The following FAR2 variants were observed in gnomAD, a reference collection of about 807,000 sequenced individuals.
The protein encoded by FAR2 is epididymis secretory protein Li 81.
In FAR2, 19 loss-of-function variants were observed where a neutral mutation model predicts 56.0. That is an observed-to-expected ratio of 0.34 (90% CI 0.24 to 0.50). The LOEUF is 0.50. Ranked by LOEUF, FAR2 falls within the 20% of genes least tolerant of loss-of-function variation. The probability of loss-of-function intolerance (pLI) is 0.98; values close to 1 mark genes in which losing one functional copy is unlikely to be tolerated. For synonymous variants in FAR2, 219 were observed against 218.8 expected (o/e 1.00, Z -0.01); for missense variants, 508 against 642.2 (o/e 0.79, Z 2.26).
At chr12:29,320,135 A>G (rs1949527129) in intron 9 of FAR2, among the ~76,000 whole-genome samples, 3 of 152,180 alleles carry the variant, frequency 2.0e-5, no homozygotes, top group Admixed American at 6.5e-5. Context: ...TGAACCCAGG[A>G]GGTCAAGGCT....
chr12:29,189,754 C>T (rs562752488), intron 1 of FAR2, among the ~76,000 whole-genome samples: 4 of 152,224 alleles, frequency 2.6e-5, no homozygotes, highest in South Asian at 2.1e-4. Flanking sequence ...TTTAAAAGAT[C>T]GCTCCAAAAA....
At chr12:29,312,562 T>C (rs537552082) in intron 8 of FAR2, among the ~76,000 whole-genome samples, 6 of 152,230 alleles carry the variant, frequency 3.9e-5, no homozygotes, top group Admixed American at 2.6e-4. Context: ...AACTATATGT[T>C]TAATAAGCAT....
intron 1 of FAR2, among the ~76,000 whole-genome samples, chr12:29,261,064 A>G (rs1231307085): frequency 6.6e-6 from 1 of 152,204 alleles, no homozygotes; most frequent in Non-Finnish European, 1.5e-5. Context: ...CAACTATTAC[A>G]ATAAATACCT....
At chr12:29,323,600 G>A (rs1396826162) in intron 10 of FAR2, among the ~76,000 whole-genome samples, 8 of 152,192 alleles carry the variant, frequency 5.3e-5, no homozygotes, top group Admixed American at 1.3e-4. Context: ...AATATCCGCT[G>A]TTCTGCAGCC....
At chr12:29,272,139 A>G (rs1006039086) in intron 2 of FAR2, among the ~76,000 whole-genome samples, 12 of 152,146 alleles carry the variant, frequency 7.9e-5, no homozygotes, top group African/African-American at 2.9e-4. Context: ...GAGTATCTTA[A>G]TGGTGTTCTC....
At chr12:29,325,952 T>G (rs541207569) in intron 10 of FAR2, among the ~76,000 whole-genome samples, 1 of 152,176 alleles carries the variant, frequency 6.6e-6, no homozygotes, top group East Asian at 1.9e-4. Flanking sequence ...AAAAAATCAG[T>G]GAATCCAGGA....
Position 29,228,846 on chromosome 12 carries a change from C to A in FAR2, c.-38-41566C>A, listed in dbSNP as rs142790842. Among the ~76,000 whole-genome samples the A allele has an allele frequency of 8.3e-4, 126 of 152,294 alleles. 2 individuals are homozygous for A. In the East Asian group the frequency reaches 0.022, roughly 27 times the overall value. The stretch of plus-strand genomic sequence containing the variant: ...CAAGTGATCCGCTGGCCTTGCCCTC[C>A]CAAAGTGCTGGGATTACAGGCATGA... On this transcript the variant is annotated intron_variant, in intron 1 of 11. Transcript: ENST00000536681.
At chr12:29,319,390 T>C (rs926448201) in intron 9 of FAR2, among the ~76,000 whole-genome samples, 1 of 152,194 alleles carries the variant, frequency 6.6e-6, no homozygotes, top group Non-Finnish European at 1.5e-5. Flanking sequence ...ATGACATCTT[T>C]TTGTTTTTTT....
intron 1 of FAR2, among the ~76,000 whole-genome samples, chr12:29,181,561 G>A (rs930739788): frequency 6.8e-6 from 1 of 146,664 alleles, no homozygotes; most frequent in South Asian, 2.3e-4. Context: ...TCACAGAGAA[G>A]ATGCAAGACA....
intron 1 of FAR2, among the ~76,000 whole-genome samples, chr12:29,165,085 G>A (rs10743645): frequency 0.79 from 119,753 of 152,132 alleles, 47,899 homozygotes; most frequent in East Asian, 0.91. Flanking sequence ...AGCTGAAGTT[G>A]CTGAATATTT....
chr12:29,229,540 T>A (rs1005459564), intron 1 of FAR2, among the ~76,000 whole-genome samples: 3 of 152,318 alleles, frequency 2.0e-5, no homozygotes, highest in African/African-American at 7.2e-5. Flanking sequence ...ACCAAATCTA[T>A]TTGTTACTTA....
chr12:29,272,522 C>T (rs1948636562), intron 2 of FAR2, among the ~76,000 whole-genome samples: 1 of 152,214 alleles, frequency 6.6e-6, no homozygotes, highest in Non-Finnish European at 1.5e-5. Context: ...TTCTAGTTAG[C>T]AATTCCTCTA....
At chr12:29,289,343 GAC>G (rs1948924119) in intron 2 of FAR2, among the ~76,000 whole-genome samples, 1 of 152,068 alleles carries the variant, frequency 6.6e-6, no homozygotes, top group Admixed American at 6.5e-5. Flanking sequence ...CATAAAAACA[GAC>G]ACACAGACCA....
intron 1 of FAR2, among the ~76,000 whole-genome samples, chr12:29,246,630 T>A (rs1430660832): frequency 6.6e-6 from 1 of 152,098 alleles, no homozygotes; most frequent in Non-Finnish European, 1.5e-5. Flanking sequence ...AATTAAGAAC[T>A]ATATCGCAGA....
At chr12:29,244,002 TTGAA>T (rs5797312) in intron 1 of FAR2, among the ~76,000 whole-genome samples, 83,971 of 150,888 alleles carry the variant, frequency 0.56, 23,835 homozygotes, top group African/African-American at 0.67. Context: ...TAATCAGCAG[TTGAA>T]TGAATGAATG....
At position 29,233,330 on chromosome 12, in the gene FAR2, A is replaced by C. The variant is rs554654603; in HGVS notation, c.-38-37082A>C. On this transcript the variant is annotated intron_variant, in intron 1 of 11. Coordinates refer to ENST00000536681, the MANE Select transcript of FAR2 (RefSeq NM_001271783.2). ...ATCTCCAATTTTTGGATAGACTCTG[A>C]ATCTTAATACTTCTGTCTGCCCTGG... Among the ~76,000 whole-genome samples, 8 of 152,214 alleles carry C rather than the reference A, an allele frequency of 5.3e-5. No individual in the cohort carries two copies. In the South Asian group the frequency reaches 1.7e-3, roughly 32 times the overall value.
At chr12:29,259,025 G>A (rs915913615) in intron 1 of FAR2, among the ~76,000 whole-genome samples, 1 of 152,224 alleles carries the variant, frequency 6.6e-6, no homozygotes, top group South Asian at 2.1e-4. Context: ...ATAAAGTAGA[G>A]ATTGGTAGGA....
At chr12:29,237,253 C>G (rs1203902455) in intron 1 of FAR2, among the ~76,000 whole-genome samples, 3 of 152,078 alleles carry the variant, frequency 2.0e-5, no homozygotes, top group Admixed American at 6.6e-5. Flanking sequence ...AAGGCACTTT[C>G]CAGGGTCTAC....
intron 3 of FAR2, 77 bp downstream of exon 3, chr12:29,293,552 A>G (rs1949008478): frequency 1.6e-6 from 2 of 1,289,574 alleles, no homozygotes; most frequent in Non-Finnish European, 2.0e-6. Context: ...TGTAAAAAAA[A>G]AGAAATACAC....
Sources: allele counts gnomAD v4.1 joint callset (sites outside exome capture counted in the v4.1 genomes callset), GRCh38; gene constraint gnomAD v4.1.1; transcripts MANE v1.5; gene names NCBI Gene and HGNC (gene_info 2026-07-23, HGNC 2026-07-21).